DENND1A: variants seen among roughly 807,000 people sequenced by gnomAD.
DENND1A encodes the protein DENN domain-containing protein 1A.
Under a neutral mutation model 113.7 loss-of-function variants are expected in DENND1A, and 51 were observed. The ratio of observed to expected loss-of-function variants is 0.45; its 90% CI spans 0.36 to 0.57. The LOEUF is 0.57. Ranked by LOEUF, DENND1A falls within the 20% of genes least tolerant of loss-of-function variation. DENND1A has a pLI of 0.00. For synonymous variants in DENND1A, 565 were observed against 570.8 expected (o/e 0.99, Z 0.14); for missense variants, 1,258 against 1,395.9 (o/e 0.90, Z 1.57).
intron 11 of DENND1A, among the ~76,000 whole-genome samples, chr9:123,598,096 T>A (rs777695200): frequency 6.6e-5 from 10 of 152,192 alleles, no homozygotes; most frequent in Non-Finnish European, 1.3e-4. Context: ...TGATCTTCAC[T>A]CGGCAGGTGG....
At chr9:123,678,721 T>A (rs987366567) in intron 5 of DENND1A, among the ~76,000 whole-genome samples, 1 of 152,240 alleles carries the variant, frequency 6.6e-6, no homozygotes. Flanking sequence ...AATATACTGA[T>A]AAGCAACTTA....
chr9:123,671,812 G>A (rs1025693427), intron 6 of DENND1A, among the ~76,000 whole-genome samples: 2 of 152,132 alleles, frequency 1.3e-5, no homozygotes, highest in African/African-American at 4.8e-5. Context: ...ACACATGGCA[G>A]CCTCCAATTA....
At chr9:123,646,573 T>G (rs2062344207) in intron 9 of DENND1A, among the ~76,000 whole-genome samples, 2 of 152,058 alleles carry the variant, frequency 1.3e-5, no homozygotes, top group Admixed American at 1.3e-4. Context: ...CTGTTGGCAT[T>G]CTGAGGCCAT....
intron 4 of DENND1A, among the ~76,000 whole-genome samples, chr9:123,765,998 G>A (rs928348809): frequency 2.0e-5 from 3 of 152,162 alleles, no homozygotes; most frequent in African/African-American, 7.2e-5. Context: ...TGAACCAGAT[G>A]AATTTCAGTT....
intron 12 of DENND1A, among the ~76,000 whole-genome samples, chr9:123,578,989 C>T (rs939782244): frequency 5.3e-5 from 8 of 152,104 alleles, no homozygotes; most frequent in Non-Finnish European, 8.8e-5. Context: ...TATGAAACAA[C>T]ATGTAAATTT....
chr9:123,679,964 G>T (rs1316092805), intron 5 of DENND1A, among the ~76,000 whole-genome samples: 1 of 152,064 alleles, frequency 6.6e-6, no homozygotes, highest in African/African-American at 2.4e-5. Context: ...GGACTATGGT[G>T]GGCTCTGTCC....
At chr9:123,761,623 TATTCTC>T (rs1251204641) in intron 4 of DENND1A, among the ~76,000 whole-genome samples, 7 of 152,236 alleles carry the variant, frequency 4.6e-5, no homozygotes, top group African/African-American at 1.7e-4. Flanking sequence ...AGGAGGTACT[TATTCTC>T]AATTGATTCC....
intron 19 of DENND1A, chr9:123,414,316 A>G: frequency 7.1e-7 from 1 of 1,404,926 alleles, no homozygotes; most frequent in South Asian, 1.6e-5. Context: ...ATTAGCAACC[A>G]TTACCATCAG....
intron 19 of DENND1A, among the ~76,000 whole-genome samples, chr9:123,412,425 T>G (rs953663776): frequency 2.6e-5 from 4 of 152,222 alleles, no homozygotes; most frequent in African/African-American, 4.8e-5. Flanking sequence ...TCCTGCTATG[T>G]GGGACTCAGC....
chr9:123,689,129 A>T (rs55734923), intron 5 of DENND1A, among the ~76,000 whole-genome samples: 3,794 of 152,194 alleles, frequency 0.025, 154 homozygotes, highest in African/African-American at 0.087. Context: ...GCTTCAAGCG[A>T]TCCTCCCACC....
intron 2 of DENND1A, among the ~76,000 whole-genome samples, chr9:123,814,340 C>CT (rs1355914697): frequency 6.6e-6 from 1 of 152,084 alleles, no homozygotes; most frequent in Non-Finnish European, 1.5e-5. Flanking sequence ...TGGAACCTAA[C>CT]TTATTGAGAA....
intron 6 of DENND1A, 48 bp from the exon 7 acceptor site, chr9:123,671,419 A>G: frequency 5.0e-6 from 8 of 1,592,392 alleles, no homozygotes; most frequent in Non-Finnish European, 6.9e-6. Context: ...CTGAGCCCTT[A>G]GTAAGATACC....
intron 13 of DENND1A, among the ~76,000 whole-genome samples, chr9:123,546,198 G>A (rs1589076882): frequency 1.3e-5 from 2 of 152,120 alleles, no homozygotes; most frequent in Admixed American, 1.3e-4. Flanking sequence ...GTGATGTGGT[G>A]TTTGTGTGGC....
chr9:123,870,477 G>A (rs1279852675), intron 2 of DENND1A, among the ~76,000 whole-genome samples: 1 of 140,590 alleles, frequency 7.1e-6, no homozygotes, highest in African/African-American at 2.7e-5. Context: ...TTGCTTTGTT[G>A]CCAGGCTGGA....
chr9:123,543,315 G>C (rs973751475), intron 13 of DENND1A, among the ~76,000 whole-genome samples: 2 of 152,154 alleles, frequency 1.3e-5, no homozygotes, highest in South Asian at 4.1e-4. Context: ...AAAATGCTGG[G>C]TTAAACAAAG....
intron 9 of DENND1A, among the ~76,000 whole-genome samples, chr9:123,631,730 C>G (rs1554926118): frequency 2.0e-5 from 3 of 152,204 alleles, no homozygotes; most frequent in Non-Finnish European, 4.4e-5. Context: ...TCTCCACAGT[C>G]TTTTGACTTG....
intron 10 of DENND1A, among the ~76,000 whole-genome samples, chr9:123,623,463 AGAGAT>A (rs2061049994): frequency 6.6e-6 from 1 of 152,178 alleles, no homozygotes; most frequent in African/African-American, 2.4e-5. Flanking sequence ...ATAGTTAATA[AGAGAT>A]AAGACTAAGA....
intron 20 of DENND1A, among the ~76,000 whole-genome samples, chr9:123,409,672 C>T (rs1031501189): frequency 2.6e-4 from 40 of 152,042 alleles, no homozygotes; most frequent in African/African-American, 9.2e-4. Flanking sequence ...CACTGAGCGA[C>T]TGTGAGGCGC....
At chr9:123,496,223 C>A (rs962541890) in intron 13 of DENND1A, among the ~76,000 whole-genome samples, 22 of 152,184 alleles carry the variant, frequency 1.4e-4, no homozygotes, top group African/African-American at 1.2e-4. Flanking sequence ...TGTTTCTAAT[C>A]AAAATCAATT....
Sources: allele counts gnomAD v4.1 joint callset (sites outside exome capture counted in the v4.1 genomes callset), GRCh38; gene constraint gnomAD v4.1.1; transcripts MANE v1.5; gene names NCBI Gene and HGNC (gene_info 2026-07-23, HGNC 2026-07-21).